The following ADGRA2 variants were observed in gnomAD, a reference collection of about 807,000 sequenced individuals.
ADGRA2 encodes adhesion G protein-coupled receptor A2, also known as G-protein coupled receptor 124.
A neutral mutation model predicts 98.7 loss-of-function variants in ADGRA2; 61 were observed. The ratio of observed to expected loss-of-function variants is 0.62; its 90% CI spans 0.50 to 0.76. ADGRA2 has a LOEUF of 0.76. Among genes scored for constraint, ADGRA2 ranks in the 30% least tolerant of loss-of-function variants. The pLI is 0.00. For missense variants in ADGRA2, 1,712 were observed against 1,860.0 expected (o/e 0.92, Z 1.46); for synonymous variants, 858 against 831.5 (o/e 1.03, Z -0.55).
rs761019831 is a variant in ADGRA2, at chr8:37,844,423, T to G, written c.*2068T>G. 3 of 1,568,996 alleles carry G rather than the reference T, an allele frequency of 1.9e-6. No individual in the cohort carries two copies. The highest frequency in any genetic ancestry group is 3.5e-5 in the Admixed American group (2 of 57,572). ...ACCTACGGACTGGTGTACACTTCCA[T>G]CCTTGGTTATAACAGGAATGTTATC... On this transcript the variant is annotated 3_prime_UTR_variant, in exon 19 of 19. Transcript: ENST00000412232.
rs1805776200 is a variant in ADGRA2 at position 37,841,083 on chromosome 8, C to T, written c.2748-3C>T. 6.4e-7 allele frequency: 1 copy of T among 1,564,442 alleles called. No individual in the cohort carries two copies. Among genetic ancestry groups the T allele is most frequent in the African/African-American group, 1.4e-5 (1 of 73,824 alleles). ...CTCATCACTGCTTCTGTGTCTCCTACAGCTGCTGGCTGGTGTGGCGTCCAA... is the reference window on the plus strand; with the variant it reads ...CTCATCACTGCTTCTGTGTCTCCTATAGCTGCTGGCTGGTGTGGCGTCCAA... On this transcript the variant is annotated splice_polypyrimidine_tract_variant and splice_region_variant and intron_variant, in intron 18 of 18. Coordinates refer to ENST00000412232, the MANE Select transcript of ADGRA2 (RefSeq NM_032777.10). The surrounding 1 kb of genome is among the most constrained non-coding windows in gnomAD (Gnocchi z 5.0).
At chr8:37,803,384 T>A (rs916487321) in intron 1 of ADGRA2, among the ~76,000 whole-genome samples, 15 of 152,038 alleles carry the variant, frequency 9.9e-5, no homozygotes, top group Non-Finnish European at 1.9e-4. Context: ...CCAGCCTCCC[T>A]GGGAGCAGCC....
Position 37,830,610 on chromosome 8 carries a change from GCC to G in ADGRA2, c.719-97_719-96del. The G allele has an allele frequency of 5.2e-6, 3 of 579,886 alleles. No homozygotes were observed. Among genetic ancestry groups the G allele is most frequent in the East Asian group, 3.2e-5 (1 of 31,242 alleles). 35.9% of individuals were successfully genotyped at this position (579,886 alleles called of 1,614,324 possible). On this transcript the variant is annotated intron_variant, in intron 6 of 18. Coordinates refer to ENST00000412232, the MANE Select transcript of ADGRA2 (RefSeq NM_032777.10). The surrounding 1 kb of genome is among the most constrained non-coding windows in gnomAD (Gnocchi z 4.8). ...AGCTGGAGCAGGCTGCAGGCCGAGG[GCC>G]CCGCCCCGCCCCACCCCATCCTGCT...
At chr8:37,839,210 G>C in intron 15 of ADGRA2, 127 bp downstream of exon 15, 1 of 1,356,340 alleles carries the variant, frequency 7.4e-7, no homozygotes, top group East Asian at 2.3e-5. Flanking sequence ...GAGGGACTCC[G>C]AGGCAGGTGT....
In ADGRA2 at chr8:37,797,334, G is replaced by T. The variant is rs1804358243; in HGVS notation, c.66G>T (p.Trp22Cys). The T allele has an allele frequency of 7.3e-7, 1 of 1,370,186 alleles. No homozygotes were observed. The highest frequency in any genetic ancestry group is 1.7e-5 in the South Asian group (1 of 57,420). 84.9% of individuals were successfully genotyped at this position (1,370,186 alleles called of 1,614,324 possible). ...PARLLLPLLPWLLLLLAPEAR... is the reference protein window; with the variant it reads ...PARLLLPLLPCLLLLLAPEAR... ...GCCTGCTGCTGCCGCTGCTGCCGTGGCTCCTGCTGCTCCTGGCGCCCGAGG... is the reference window on the plus strand; with the variant it reads ...GCCTGCTGCTGCCGCTGCTGCCGTGTCTCCTGCTGCTCCTGGCGCCCGAGG... Residue 22 changes from tryptophan (W) to cysteine (C), a missense_variant, in exon 1 of 19, where the codon TGG (tryptophan) becomes TGT (cysteine). Trp to Cys is a radical substitution (Grantham distance 215). Transcript: ENST00000412232. The surrounding 1 kb of genome is among the most constrained non-coding windows in gnomAD (Gnocchi z 5.3).
rs1161797515 is a variant in ADGRA2 at position 37,842,472 on chromosome 8, A to C, written c.*117A>C. 7.3e-7 allele frequency: 1 copy of C among 1,365,630 alleles called. No individual in the cohort carries two copies. Among genetic ancestry groups the C allele is most frequent in the Non-Finnish European group, 9.5e-7 (1 of 1,057,672 alleles). The allele number at this position is 1,365,630 out of a possible 1,614,324, so 84.6% of individuals were successfully genotyped here. On this transcript the variant is annotated 3_prime_UTR_variant, in exon 19 of 19. Coordinates refer to ENST00000412232, the MANE Select transcript of ADGRA2 (RefSeq NM_032777.10). ...TGGAGGCAGAGGAGCCGATGGCTGGAGGAAGCCCACAGGCGGATGTTCCCC... is the reference window on the plus strand; with the variant it reads ...TGGAGGCAGAGGAGCCGATGGCTGGCGGAAGCCCACAGGCGGATGTTCCCC...
In ADGRA2 at chr8:37,842,409, C is replaced by A; in HGVS notation, c.*54C>A. 1 of 1,414,722 alleles carries A rather than the reference C, an allele frequency of 7.1e-7. No homozygotes were observed. Among genetic ancestry groups the A allele is most frequent in the South Asian group, 1.6e-5 (1 of 62,478 alleles). The allele number at this position is 1,414,722 out of a possible 1,614,324, so 87.6% of individuals were successfully genotyped here. A position where few individuals can be genotyped will look rare whatever the true frequency, so the allele number is the denominator to read the frequency against. ...TGGCCACGCGGCTCGTTCCCCCGCT[C>A]CTCGGGGCCCTCCAAGGTGTCTCCG... On this transcript the variant is annotated 3_prime_UTR_variant, in exon 19 of 19. Transcript: ENST00000412232.
intron 1 of ADGRA2, among the ~76,000 whole-genome samples, chr8:37,799,234 G>C (rs1321953707): frequency 6.6e-6 from 1 of 152,146 alleles, no homozygotes; most frequent in Non-Finnish European, 1.5e-5. Context: ...AATTAGCCAG[G>C]CGTGGTAGCG....
chr8:37,815,010 G>A (rs1375201856), intron 2 of ADGRA2, 43 bp downstream of exon 2: 1 of 1,356,922 alleles, frequency 7.4e-7, no homozygotes, highest in Non-Finnish European at 1.1e-6. Flanking sequence ...GGGTGGCCGT[G>A]ATGGCAAGAG....
intron 4 of ADGRA2, 71 bp from the exon 5 acceptor site, chr8:37,829,417 C>A: frequency 6.6e-7 from 1 of 1,525,878 alleles, no homozygotes; most frequent in Non-Finnish European, 9.1e-7. Context: ...CCTTCCACAT[C>A]CCACCTGCTC....
At position 37,842,197 on chromosome 8, in the gene ADGRA2, GAGA is replaced by G. The variant is rs745551659; in HGVS notation, c.3862_3864del (p.Lys1288del). The G allele has an allele frequency of 2.1e-4, 319 of 1,543,336 alleles. 1 individual carries two copies. In the East Asian group the frequency reaches 4.6e-3, roughly 22 times the overall value. The stretch of plus-strand genomic sequence containing the variant: ...CAGTCTCAAGGGCGGCGGCGCGCTG[GAGA>G]AGGAGAGCCATCGCCGCTCGTACCC... On this transcript the variant is annotated inframe_deletion, in exon 19 of 19. Transcript: ENST00000412232.
At chr8:37,840,708 C>A in intron 17 of ADGRA2, 52 bp from the exon 18 acceptor site, 1 of 921,918 alleles carries the variant, frequency 1.1e-6, no homozygotes, top group Non-Finnish European at 1.8e-6. Flanking sequence ...GCACCCAGTT[C>A]TTCCCTTCCC....
In ADGRA2 at chr8:37,797,670, C is replaced by T; in HGVS notation, c.266+136C>T. On this transcript the variant is annotated intron_variant, in intron 1 of 18. Coordinates refer to ENST00000412232, the MANE Select transcript of ADGRA2 (RefSeq NM_032777.10). The surrounding 1 kb of genome is among the most constrained non-coding windows in gnomAD (Gnocchi z 5.3). ...TTCTGGACAGGCCTGGGTTCAGGCC[C>T]CCAGAGGGGAAGATTGGAGGAGCAG... The T allele has an allele frequency of 1.2e-6, 1 of 862,812 alleles. No homozygotes were observed. Among genetic ancestry groups the T allele is most frequent in the Non-Finnish European group, 1.6e-6 (1 of 639,448 alleles). The allele number at this position is 862,812 out of a possible 1,614,324, so 53.4% of individuals were successfully genotyped here.
At position 37,835,307 on chromosome 8, in the gene ADGRA2, C is replaced by A. The variant is rs148475803; in HGVS notation, c.1742C>A (p.Pro581Gln). 63 of 1,613,600 alleles carry A rather than the reference C, an allele frequency of 3.9e-5. No individual in the cohort carries two copies. The highest frequency in any genetic ancestry group is 9.9e-5 in the South Asian group (9 of 91,070). The part of the protein sequence containing the change: ...TRPGSPGQNP[P>Q]PEPEPPADQQ... Reference sequence around the variant, plus strand: ...CCAGGAAGCCCTGGCCAGAACCCCCCACCTGAGCCCGAGCCCCCAGCTGAC... The same window carrying A: ...CCAGGAAGCCCTGGCCAGAACCCCCAACCTGAGCCCGAGCCCCCAGCTGAC... The change falls in exon 12 of 19, where the codon CCA becomes CAA. Residue 581 changes from proline (P) to glutamine (Q), a missense_variant. Physicochemically the swap from Pro to Gln is moderately conservative, Grantham distance 76. Coordinates refer to ENST00000412232, the MANE Select transcript of ADGRA2 (RefSeq NM_032777.10).
chr8:37,839,398 C>T (rs1805723093), intron 15 of ADGRA2, 101 bp from the exon 16 acceptor site: 2 of 1,534,180 alleles, frequency 1.3e-6, no homozygotes, highest in East Asian at 4.7e-5. Context: ...TTCACACACG[C>T]AGATATGTGC....
At chr8:37,839,441 A>G (rs1805723983) in intron 15 of ADGRA2, 58 bp from the exon 16 acceptor site, 2 of 1,602,284 alleles carry the variant, frequency 1.2e-6, no homozygotes, top group South Asian at 1.1e-5. Context: ...TGGCCTTGAG[A>G]CCCCATGGGC....
rs2130068879 is a variant in ADGRA2 at position 37,841,824 on chromosome 8, G to C, written c.3486G>C (p.Ala1162=). 2.0e-6 allele frequency: 3 copies of C among 1,530,218 alleles called. No individual in the cohort carries two copies. The highest frequency in any genetic ancestry group is 1.4e-5 in the African/African-American group (1 of 72,196). 94.8% of individuals were successfully genotyped at this position (1,530,218 alleles called of 1,614,324 possible). Residue 1162 remains alanine, a synonymous_variant, in exon 19 of 19, where the codon GCG becomes GCC. Transcript: ENST00000412232. This position sits in a 1 kb window ranked among gnomAD's most constrained non-coding sequence, Gnocchi z 5.0. ...AAGGEGEPEP[A]GTRGNLAHRH... ...GCGGGGAAGGAGAGCCGGAGCCGGCGGGCACCCGGGGAAACCTCGCCCACC... is the reference window on the plus strand; with the variant it reads ...GCGGGGAAGGAGAGCCGGAGCCGGCCGGCACCCGGGGAAACCTCGCCCACC...
intron 2 of ADGRA2, among the ~76,000 whole-genome samples, chr8:37,822,117 T>G (rs1805144090): frequency 1.3e-5 from 2 of 152,034 alleles, no homozygotes; most frequent in South Asian, 4.1e-4. Flanking sequence ...AAATAACCTG[T>G]GGATTGTTAT....
Position 37,836,090 on chromosome 8 carries a change from CA to C in ADGRA2, c.2050+321del, listed in dbSNP as rs1563351748. On this transcript the variant is annotated intron_variant, in intron 13 of 18. Coordinates refer to ENST00000412232, the MANE Select transcript of ADGRA2 (RefSeq NM_032777.10). ...ACACACACACACACACACACACACACACACACACCCCACAGGCCCAATGCAG... is the reference window on the plus strand; with the variant it reads ...ACACACACACACACACACACACACACCACACACCCCACAGGCCCAATGCAG... Among the ~76,000 whole-genome samples the C allele has an allele frequency of 2.4e-3, 320 of 133,530 alleles. 5 individuals carry two copies. The highest frequency in any genetic ancestry group is 5.4e-3 in the African/African-American group (179 of 33,222). 87.6% of individuals were successfully genotyped at this position (133,530 alleles called of 152,430 possible).
Sources: allele counts gnomAD v4.1 joint callset (sites outside exome capture counted in the v4.1 genomes callset), GRCh38; gene constraint gnomAD v4.1.1; non-coding constraint Gnocchi (gnomAD v3.1); transcripts MANE v1.5; gene names NCBI Gene and HGNC (gene_info 2026-07-23, HGNC 2026-07-21).